The following FNBP1 variants were observed in gnomAD, a reference collection of about 807,000 sequenced individuals.
The protein encoded by FNBP1 is formin binding protein 1.
FNBP1 carries 26 observed loss-of-function variants against 90.6 expected under a neutral mutation model. The observed-to-expected ratio is 0.29, with a 90% CI of 0.21 to 0.40. The LOEUF (loss-of-function observed/expected upper bound fraction) is 0.40. Ranked by LOEUF, FNBP1 falls within the 10% of genes least tolerant of loss-of-function variation. FNBP1 has a pLI of 1.00. For synonymous variants in FNBP1, 260 were observed against 265.2 expected (o/e 0.98, Z 0.19); for missense variants, 635 against 768.0 (o/e 0.83, Z 2.05).
At chr9:129,928,237 A>G (rs2042203996) in intron 7 of FNBP1, among the ~76,000 whole-genome samples, 1 of 152,268 alleles carries the variant, frequency 6.6e-6, no homozygotes, top group Non-Finnish European at 1.5e-5. Flanking sequence ...ACAATCCAAA[A>G]GAAAGAACTG....
At chr9:130,046,701 G>A (rs183700858), upstream of FNBP1, among the ~76,000 whole-genome samples, 2 of 151,010 alleles carry the variant, frequency 1.3e-5, no homozygotes, top group Admixed American at 1.3e-4. Context: ...CCAGGAGGCG[G>A]AGGGTGCGGT....
intron 6 of FNBP1, among the ~76,000 whole-genome samples, chr9:129,941,808 C>T (rs1374673097): frequency 1.3e-5 from 2 of 152,130 alleles, no homozygotes; most frequent in African/African-American, 2.4e-5. Context: ...CAGTGGCTCA[C>T]GCCTGTAATC....
chr9:129,980,134 C>G (rs946280362), intron 2 of FNBP1, among the ~76,000 whole-genome samples: 5 of 151,438 alleles, frequency 3.3e-5, no homozygotes, highest in Non-Finnish European at 5.9e-5. Flanking sequence ...CCGTGGCAGA[C>G]AGATCACCTG....
In FNBP1 at chr9:129,896,792, C is replaced by T. The variant is rs79539701; in HGVS notation, c.1688-796G>A. On this transcript the variant is annotated intron_variant, in intron 15 of 16. Coordinates refer to ENST00000446176, the MANE Select transcript of FNBP1 (RefSeq NM_015033.3). ...GATTACAGGCATGTGCCACCACGCC[C>T]GGCTAATTTTGTATTTTTAGTAGAG... Among the ~76,000 whole-genome samples, 226 of 152,144 alleles carry T rather than the reference C, an allele frequency of 1.5e-3. 7 individuals carry two copies. The East Asian group carries it at 0.041, about 27-fold the overall frequency.
rs1358693106 is a variant in FNBP1, at chr9:130,042,248, C to G, written c.24+704G>C. Among the ~76,000 whole-genome samples, 1 of 152,136 alleles carries G rather than the reference C, an allele frequency of 6.6e-6. No individual in the cohort carries two copies. The highest frequency in any genetic ancestry group is 1.5e-5 in the Non-Finnish European group (1 of 68,020). ...CGAGCAACCGTTAAAGATCATTGACCCCGCGAACGCCTCTTCCTGAGGTAG... is the reference window on the plus strand; with the variant it reads ...CGAGCAACCGTTAAAGATCATTGACGCCGCGAACGCCTCTTCCTGAGGTAG... On this transcript the variant is annotated intron_variant, in intron 1 of 16. Coordinates refer to ENST00000446176, the MANE Select transcript of FNBP1 (RefSeq NM_015033.3). The surrounding 1 kb of genome is among the most constrained non-coding windows in gnomAD (Gnocchi z 5.5).
chr9:129,898,290 C>T (rs775711983), intron 15 of FNBP1, among the ~76,000 whole-genome samples: 2 of 152,118 alleles, frequency 1.3e-5, no homozygotes, highest in Non-Finnish European at 2.9e-5. Context: ...TTCCCTACCT[C>T]GCCCCCATTG....
At chr9:130,013,651 A>G (rs2056897026) in intron 1 of FNBP1, 1 of 454,416 alleles carries the variant, frequency 2.2e-6, no homozygotes, top group Non-Finnish European at 4.4e-6. Flanking sequence ...ATGAATGTTT[A>G]TAGCAGCATA....
intron 1 of FNBP1, among the ~76,000 whole-genome samples, chr9:130,007,845 G>A (rs1025823632): frequency 5.3e-5 from 8 of 151,520 alleles, no homozygotes; most frequent in African/African-American, 1.5e-4. Context: ...GCAAAACCCC[G>A]TCTCTACTAA....
At chr9:129,893,636 A>AAAAAAAAAAAAAAAAAAAC (rs2035345467) in intron 16 of FNBP1, among the ~76,000 whole-genome samples, 2 of 141,502 alleles carry the variant, frequency 1.4e-5, no homozygotes, top group Non-Finnish European at 3.1e-5. Context: ...AAAAAAAAAA[A>AAAAAAAAAAAAAAAAAAAC]AGCCAGGCAC....
At chr9:129,955,691 A>G (rs1292310354) in intron 6 of FNBP1, among the ~76,000 whole-genome samples, 1 of 151,970 alleles carries the variant, frequency 6.6e-6, no homozygotes, top group Non-Finnish European at 1.5e-5. Flanking sequence ...ACTGCACTCC[A>G]GCCTAGGCGA....
intron 1 of FNBP1, among the ~76,000 whole-genome samples, chr9:130,011,150 A>T (rs2056506281): frequency 7.6e-6 from 1 of 131,682 alleles, no homozygotes; most frequent in Non-Finnish European, 1.5e-5. Flanking sequence ...CAGGAGGCGG[A>T]GCTTGCAGTG....
intron 10 of FNBP1, among the ~76,000 whole-genome samples, chr9:129,916,699 C>T (rs957332656): frequency 1.3e-5 from 2 of 151,670 alleles, no homozygotes; most frequent in African/African-American, 2.4e-5. Flanking sequence ...TTTATACAGA[C>T]GAAAACAAGT....
At chr9:130,038,441 A>T (rs1334098119) in intron 1 of FNBP1, among the ~76,000 whole-genome samples, 1 of 120,138 alleles carries the variant, frequency 8.3e-6, no homozygotes, top group Non-Finnish European at 1.7e-5. Flanking sequence ...TCTGTCGCCC[A>T]GGGCGGAGTG....
intron 4 of FNBP1, among the ~76,000 whole-genome samples, chr9:129,972,840 G>A (rs1460477760): frequency 2.0e-5 from 3 of 152,138 alleles, no homozygotes; most frequent in South Asian, 2.1e-4. Flanking sequence ...AGCCCTGATC[G>A]AGAAGCTCTG....
At chr9:129,956,433 T>C (rs1470988106) in intron 6 of FNBP1, among the ~76,000 whole-genome samples, 1 of 152,186 alleles carries the variant, frequency 6.6e-6, no homozygotes, top group African/African-American at 2.4e-5. Context: ...AAGCCTAATT[T>C]TGTTTACATT....
intron 6 of FNBP1, among the ~76,000 whole-genome samples, chr9:129,952,615 T>C (rs779974133): frequency 6.6e-6 from 1 of 152,160 alleles, no homozygotes; most frequent in Non-Finnish European, 1.5e-5. Flanking sequence ...TGCCAGGCAA[T>C]GTTAACTTAA....
intron 16 of FNBP1, among the ~76,000 whole-genome samples, chr9:129,892,366 G>GACACAC (rs3138855): frequency 0.013 from 1,360 of 103,422 alleles, 38 homozygotes; most frequent in African/African-American, 0.052. Flanking sequence ...GCACATCGTA[G>GACACAC]ACACACACAC....
chr9:129,984,701 G>A (rs2051857213), intron 2 of FNBP1, among the ~76,000 whole-genome samples: 2 of 152,030 alleles, frequency 1.3e-5, no homozygotes, highest in African/African-American at 2.4e-5. Flanking sequence ...CACATGCAGT[G>A]GAAGGGACCC....
rs2054222954 is a variant in FNBP1 at position 129,997,779 on chromosome 9, T to G, written c.25-2821A>C. On this transcript the variant is annotated intron_variant, in intron 1 of 16. Transcript: ENST00000446176. ...CAGGAGGATCACTTGAGCCCAGGAC[T>G]TCAAGGCTGCAGTGAGTCATGATCA... 2.0e-5 allele frequency among the ~76,000 whole-genome samples: 3 copies of G among 152,032 alleles called. No homozygotes were observed. The South Asian group carries it at 6.2e-4, about 32-fold the overall frequency.
Sources: gnomAD v4.1 joint callset for allele counts (sites outside exome capture counted in the v4.1 genomes callset) on GRCh38, gnomAD v4.1.1 for gene constraint, Gnocchi (gnomAD v3.1) non-coding constraint, MANE v1.5 for transcripts, NCBI Gene and HGNC (gene_info 2026-07-23, HGNC 2026-07-21) for gene names.